The following DENND5B variants were observed in gnomAD, a reference collection of about 807,000 sequenced individuals.
DENND5B encodes DENN domain containing 5B.
DENND5B carries 34 observed loss-of-function variants against 140.6 expected under a neutral mutation model. The observed-to-expected ratio is 0.24, with a 90% confidence interval of 0.18 to 0.32. DENND5B has a LOEUF of 0.32. Among genes scored for constraint, DENND5B ranks in the 10% least tolerant of loss-of-function variants. DENND5B has a pLI of 1.00. For missense variants in DENND5B, 1,142 were observed against 1,560.2 expected, an observed-to-expected ratio of 0.73 and a Z score of 4.52; for synonymous variants, 551 against 562.1, an observed-to-expected ratio of 0.98 and a Z score of 0.28.
chr12:31,417,526 G>A (rs1942813914), intron 11 of DENND5B, among the ~76,000 whole-genome samples: 1 of 151,838 alleles, frequency 6.6e-6, no homozygotes, highest in South Asian at 2.1e-4. Context: ...AGCCTGAATA[G>A]CTAACATTTA....
chr12:31,412,626 G>T (rs574171649), intron 13 of DENND5B, among the ~76,000 whole-genome samples: 53 of 152,248 alleles, frequency 3.5e-4, no homozygotes, highest in Middle Eastern at 3.4e-3. Flanking sequence ...GTGCAGCCCT[G>T]GTTCCTAACA....
At chr12:31,454,424 G>GTAGC (rs1328397413) in intron 4 of DENND5B, among the ~76,000 whole-genome samples, 1 of 152,098 alleles carries the variant, frequency 6.6e-6, no homozygotes, top group Non-Finnish European at 1.5e-5. Flanking sequence ...GCTGAAGACA[G>GTAGC]TAGCACTGCC....
chr12:31,431,453 T>A (rs1943506567), intron 8 of DENND5B, among the ~76,000 whole-genome samples: 1 of 152,210 alleles, frequency 6.6e-6, no homozygotes, highest in Admixed American at 6.5e-5. Flanking sequence ...GTCAGGAGTC[T>A]TGGGCTATAG....
Position 31,424,635 on chromosome 12 carries a change from T to A in DENND5B, c.2291A>T (p.His764Leu), listed in dbSNP as rs1467785378. Reference sequence around the variant, plus strand: ...CAGGCCGGTGATGTTTGCTTCTCCATGGCCAAGTTCCACCGCTTCATGTCC... The same window carrying A: ...CAGGCCGGTGATGTTTGCTTCTCCAAGGCCAAGTTCCACCGCTTCATGTCC... ...KMGHEAVELG[H>L]GEANITGLEE... Residue 764 changes from histidine (H) to leucine (L), a missense_variant, in exon 10 of 21, where the codon CAT becomes CTT. By Grantham distance (99) the His-to-Leu change is moderately conservative (BLOSUM62 -3). Transcript: ENST00000389082. 6.2e-7 allele frequency: 1 copy of A among 1,613,854 alleles called. No homozygotes were observed.
At chr12:31,495,087 A>G (rs1187321238) in intron 2 of DENND5B, among the ~76,000 whole-genome samples, 1 of 152,164 alleles carries the variant, frequency 6.6e-6, no homozygotes, top group Non-Finnish European at 1.5e-5. Context: ...TCATCTTTAC[A>G]CTGTCTGTAA....
At chr12:31,397,222 G>A (rs972674123) in intron 17 of DENND5B, among the ~76,000 whole-genome samples, 5 of 152,022 alleles carry the variant, frequency 3.3e-5, no homozygotes, top group African/African-American at 1.2e-4. Context: ...AGTTGGGACA[G>A]AAGGGGTAGA....
In DENND5B at chr12:31,561,897, G is replaced by GT. The variant is rs572380410; in HGVS notation, c.127+28808dup. On this transcript the variant is annotated intron_variant, in intron 1 of 20. Transcript: ENST00000389082. ...GGCTATATATTCTGGAACTTTCTCC[G>GT]TAAGTTTAAGCCACATCATTCATTC... 1.8e-3 allele frequency among the ~76,000 whole-genome samples: 277 copies of GT among 152,244 alleles called. 2 individuals are homozygous for GT. In the South Asian group the frequency reaches 0.02, roughly 11 times the overall value.
At chr12:31,458,973 G>A (rs1356643750) in intron 4 of DENND5B, among the ~76,000 whole-genome samples, 1 of 152,154 alleles carries the variant, frequency 6.6e-6, no homozygotes, top group Admixed American at 6.5e-5. Flanking sequence ...AGCATTTTGG[G>A]AGGCCGGGGC....
intron 1 of DENND5B, among the ~76,000 whole-genome samples, chr12:31,549,528 T>C (rs962766881): frequency 6.6e-6 from 1 of 151,718 alleles, no homozygotes; most frequent in Non-Finnish European, 1.5e-5. Flanking sequence ...TTAATGTGAC[T>C]ATTTTTTTTA....
At position 31,484,653 on chromosome 12, in the gene DENND5B, T is replaced by C. The variant is rs144830811; in HGVS notation, c.238-4398A>G. Among the ~76,000 whole-genome samples, 903 of 151,924 alleles carry C rather than the reference T, an allele frequency of 5.9e-3. 9 individuals are homozygous for C. Among genetic ancestry groups the C allele is most frequent in the Non-Finnish European group, 7.5e-3 (509 of 67,928 alleles). ...CTGTCTCTACTAAAATACAAAAAAT[T>C]AGCAGGGCGTGGTGGCATGCACCTG... On this transcript the variant is annotated intron_variant, in intron 2 of 20. Transcript: ENST00000389082.
intron 1 of DENND5B, among the ~76,000 whole-genome samples, chr12:31,557,244 A>C (rs1949316554): frequency 6.6e-6 from 1 of 152,266 alleles, no homozygotes; most frequent in Non-Finnish European, 1.5e-5. Flanking sequence ...CATAATGGCT[A>C]CTAAATGTAT....
chr12:31,576,760 G>A (rs1189342758), intron 1 of DENND5B, among the ~76,000 whole-genome samples: 2 of 151,898 alleles, frequency 1.3e-5, no homozygotes, highest in South Asian at 2.1e-4. Flanking sequence ...TCATGGTGGC[G>A]CACAGCCGTG....
chr12:31,417,127 C>T (rs71455664), intron 11 of DENND5B, among the ~76,000 whole-genome samples: 19,695 of 148,458 alleles, frequency 0.13, 1,554 homozygotes, highest in Non-Finnish European at 0.18. Flanking sequence ...GAGGCCGAGG[C>T]GGGCGGATCA....
chr12:31,428,380 A>C (rs1391129868), intron 8 of DENND5B, among the ~76,000 whole-genome samples: 4 of 152,094 alleles, frequency 2.6e-5, no homozygotes, highest in Admixed American at 2.6e-4. Context: ...AGAAGTATAC[A>C]TAAATGTTAT....
At chr12:31,402,372 T>C (rs1941851063) in intron 15 of DENND5B, 126 bp downstream of exon 15, 1 of 1,198,820 alleles carries the variant, frequency 8.3e-7, no homozygotes, top group Admixed American at 2.7e-5. Flanking sequence ...ATCACAAAAA[T>C]GATCCTGCAC....
chr12:31,504,818 T>C (rs997220292), intron 1 of DENND5B, among the ~76,000 whole-genome samples: 6 of 152,148 alleles, frequency 3.9e-5, no homozygotes, highest in Non-Finnish European at 5.9e-5. Flanking sequence ...TTCTTGCCAA[T>C]GATATGTGGG....
intron 4 of DENND5B, among the ~76,000 whole-genome samples, chr12:31,459,830 C>A (rs188752118): frequency 6.6e-6 from 1 of 152,058 alleles, no homozygotes; most frequent in East Asian, 1.9e-4. Flanking sequence ...TCAATTGATA[C>A]AATGATTTAA....
intron 11 of DENND5B, among the ~76,000 whole-genome samples, chr12:31,421,335 G>A (rs6416254): frequency 0.58 from 87,846 of 151,932 alleles, 25,836 homozygotes; most frequent in East Asian, 0.82. Context: ...ATGAGCCACC[G>A]TGCCCAGCCC....
chr12:31,402,854 TG>T (rs1941881198), intron 14 of DENND5B, among the ~76,000 whole-genome samples: 1 of 152,172 alleles, frequency 6.6e-6, no homozygotes, highest in Admixed American at 6.6e-5. Context: ...CTCGTAGCAG[TG>T]GTTTTCACAG....
Sources: allele counts gnomAD v4.1 joint callset (sites outside exome capture counted in the v4.1 genomes callset), GRCh38; gene constraint gnomAD v4.1.1; transcripts MANE v1.5; gene names NCBI Gene and HGNC (gene_info 2026-07-23, HGNC 2026-07-21).